The following POLG2 variants were observed in gnomAD, a reference collection of about 807,000 sequenced individuals.
POLG2 encodes the protein DNA polymerase gamma 2, accessory subunit, also known as DNA polymerase subunit gamma-2.
Under a neutral mutation model 56.5 loss-of-function variants are expected in POLG2, and 50 were observed. The observed-to-expected ratio is 0.88, with a 90% CI of 0.71 to 1.12. The LOEUF is 1.12. Ranked by LOEUF, POLG2 falls within the 50% of genes most tolerant of loss-of-function variation. POLG2 has a pLI of 0.00. For missense variants in POLG2, 584 were observed against 583.3 expected (o/e 1.00, Z -0.01); for synonymous variants, 226 against 222.6 (o/e 1.02, Z -0.14).
intron 4 of POLG2, chr17:64,487,613 CAAA>C (rs202042916): frequency 0.2 from 14,550 of 73,110 alleles, 2,029 homozygotes; most frequent in African/African-American, 0.46. Flanking sequence ...GACACCATCT[CAAA>C]AAAAAAAAAA....
At chr17:64,478,082 CAA>C in intron 7 of POLG2, 94 bp from the exon 8 acceptor site, 2 of 1,313,984 alleles carry the variant, frequency 1.5e-6, no homozygotes, top group Non-Finnish European at 2.2e-6. Flanking sequence ...CATGCACTCT[CAA>C]GAGTCACAGA....
intron 7 of POLG2, among the ~76,000 whole-genome samples, chr17:64,478,226 GAATA>G (rs1229249916): frequency 1.3e-5 from 2 of 152,120 alleles, no homozygotes; most frequent in Non-Finnish European, 2.9e-5. Context: ...TAAAATCTGA[GAATA>G]AACACTGGTA....
chr17:64,485,826 C>T lies in POLG2; in HGVS notation c.1012G>A (p.Val338Ile), dbSNP rs782761039. ...RKNVVPCVLS[V>I]NGDLDRGMLA... ...ATGCCTCGGTCTAGGTCCCCATTTA[C>T]AGAGAGAACACAAGGAACCACATTT... Residue 338 changes from valine (V) to isoleucine (I), a missense_variant, in exon 5 of 8, where the codon GTA (valine) becomes ATA (isoleucine). Transcript: ENST00000539111. 6.2e-7 allele frequency: 1 copy of T among 1,613,630 alleles called. No homozygotes were observed. The highest frequency in any genetic ancestry group is 1.7e-5 in the Admixed American group (1 of 60,008).
chr17:64,492,417 T>C (rs1186330200), intron 3 of POLG2, among the ~76,000 whole-genome samples: 1 of 152,210 alleles, frequency 6.6e-6, no homozygotes, highest in Non-Finnish European at 1.5e-5. Flanking sequence ...GAATGCTAGG[T>C]GAGGGCTTTG....
intron 7 of POLG2, among the ~76,000 whole-genome samples, 163 bp downstream of exon 7, chr17:64,480,126 G>T (rs904438658): frequency 6.6e-6 from 1 of 152,186 alleles, no homozygotes; most frequent in Non-Finnish European, 1.5e-5. Context: ...GTTCCCTGCT[G>T]AGGCAATTAA....
intron 4 of POLG2, among the ~76,000 whole-genome samples, 177 bp from the exon 5 acceptor site, chr17:64,486,045 T>A (rs1232432378): frequency 6.6e-6 from 1 of 151,966 alleles, no homozygotes; most frequent in Non-Finnish European, 1.5e-5. Flanking sequence ...GCCTCCTGAG[T>A]ACATATTTTA....
chr17:64,487,575 C>T (rs988132275), intron 4 of POLG2: 3 of 140,034 alleles, frequency 2.1e-5, no homozygotes, highest in Non-Finnish European at 4.6e-5. Context: ...CATTGTGCCA[C>T]TATACTCCAG....
chr17:64,487,192 T>C (rs2037971819), intron 4 of POLG2: 1 of 152,234 alleles, frequency 6.6e-6, no homozygotes, highest in Admixed American at 6.5e-5. Flanking sequence ...ATTTTAAACC[T>C]ATTTGAATTG....
At chr17:64,496,256 C>A (rs1162598205) in intron 1 of POLG2, 151 bp downstream of exon 1, 8 of 612,214 alleles carry the variant, frequency 1.3e-5, no homozygotes, top group Non-Finnish European at 2.3e-5. Context: ...GGGTAGAGCA[C>A]TGTTAATATA....
rs782686494 is a variant in POLG2, at chr17:64,492,953, T to C, written c.631A>G (p.Ile211Val). The C allele has an allele frequency of 1.4e-5, 23 of 1,613,890 alleles. No homozygotes were observed. The highest frequency in any genetic ancestry group is 1.9e-5 in the Non-Finnish European group (23 of 1,179,894). Reference sequence around the variant, plus strand: ...AAAACAGGATGAAAACACACTCCAATCTGAGCAAGGCCATAAGGTAGCCTC... The same window carrying C: ...AAAACAGGATGAAAACACACTCCAACCTGAGCAAGGCCATAAGGTAGCCTC... ...NKRLPYGLAQIGVCFHPVFDT... is the reference protein window; with the variant it reads ...NKRLPYGLAQVGVCFHPVFDT... Residue 211 changes from isoleucine to valine, a missense_variant, in exon 2 of 8, where the codon ATT (isoleucine) becomes GTT (valine). Coordinates refer to ENST00000539111, the MANE Select transcript of POLG2 (RefSeq NM_007215.4).
rs201754868 is a variant in POLG2, at chr17:64,480,243, A to C, written c.1292+46T>G. The C allele has an allele frequency of 1.3e-4, 97 of 770,916 alleles. 1 individual carries two copies. In the Middle Eastern group the frequency reaches 5.7e-3, roughly 45 times the overall value. 47.8% of individuals were successfully genotyped at this position (770,916 alleles called of 1,614,324 possible). On this transcript the variant is annotated intron_variant, in intron 7 of 7. Coordinates refer to ENST00000539111, the MANE Select transcript of POLG2 (RefSeq NM_007215.4). The stretch of plus-strand genomic sequence containing the variant: ...TTTCTGTAATTCATAAACATAATCA[A>C]AAACTCTTGAATAAATACACTCTTT...
intron 4 of POLG2, among the ~76,000 whole-genome samples, chr17:64,486,360 A>AT (rs1568085435): frequency 6.6e-5 from 8 of 120,528 alleles, no homozygotes; most frequent in African/African-American, 3.7e-4. Flanking sequence ...GAAAGGTAAC[A>AT]CTTTTTTTTT....
chr17:64,489,361 T>A (rs1188528134), intron 4 of POLG2, among the ~76,000 whole-genome samples: 247 of 135,366 alleles, frequency 1.8e-3, no homozygotes, highest in Middle Eastern at 0.011. Context: ...TGTTTTTTTT[T>A]AAAAAAAAAA....
chr17:64,489,504 T>C (rs1490745707), intron 4 of POLG2, among the ~76,000 whole-genome samples: 2 of 151,532 alleles, frequency 1.3e-5, no homozygotes, highest in African/African-American at 4.9e-5. Flanking sequence ...CTCATTCTTA[T>C]AATCCAAGCA....
At chr17:64,491,466 T>C (rs1283377150) in intron 3 of POLG2, 1 of 1,061,940 alleles carries the variant, frequency 9.4e-7, no homozygotes, top group Non-Finnish European at 1.4e-6. Context: ...GCTGTGATTG[T>C]GCAACGGCAG....
chr17:64,485,956 G>C, intron 4 of POLG2, 88 bp from the exon 5 acceptor site: 1 of 1,346,242 alleles, frequency 7.4e-7, no homozygotes, highest in Non-Finnish European at 1.0e-6. Context: ...TCTGTCACCT[G>C]GCCAGGCTGG....
intron 4 of POLG2, 43 bp downstream of exon 4, chr17:64,490,753 G>C (rs1443959682): frequency 6.8e-7 from 1 of 1,476,172 alleles, no homozygotes; most frequent in Non-Finnish European, 9.5e-7. Context: ...TGATTATAGA[G>C]AATCTGGGTA....
At position 64,496,507 on chromosome 17, in the gene POLG2, G is replaced by A. The variant is rs782325926; in HGVS notation, c.462C>T (p.Arg154=). 2 of 1,612,844 alleles carry A rather than the reference G, an allele frequency of 1.2e-6. No individual in the cohort carries two copies. Among genetic ancestry groups the A allele is most frequent in the East Asian group, 2.2e-5 (1 of 44,850 alleles). The change falls in exon 1 of 8, where the codon CGC becomes CGT. Residue 154 remains arginine (R), a synonymous_variant. Transcript: ENST00000539111. ...AFRLVSAETL[R]EILQDKELSK... is the part of the protein sequence containing the mutation. ...TCAGCTCTTTGTCTTGCAAGATTTC[G>A]CGTAGAGTTTCTGCAGAAACTAACC...
chr17:64,496,969 C>T lies in POLG2; in HGVS notation c.-1G>A. 1 of 1,604,212 alleles carries T rather than the reference C, an allele frequency of 6.2e-7. No individual in the cohort carries two copies. The highest frequency in any genetic ancestry group is 8.5e-7 in the Non-Finnish European group (1 of 1,179,758). On this transcript the variant is annotated 5_prime_UTR_variant, in exon 1 of 8. Transcript: ENST00000539111. ...CCCTGACGGCTACACGAGAGCGCAT[C>T]TCTCTCCGAAGTTAAAGAGCACACT...
Sources: gnomAD v4.1 joint callset for allele counts (sites outside exome capture counted in the v4.1 genomes callset) on GRCh38, gnomAD v4.1.1 for gene constraint, MANE v1.5 for transcripts, NCBI Gene and HGNC (gene_info 2026-07-23, HGNC 2026-07-21) for gene names.